Variants in TMEM132C observed in about 807,000 individuals in gnomAD.
TMEM132C encodes the protein transmembrane protein 132C, also known as protein phosphatase 1, regulatory subunit 152.
A neutral mutation model predicts 61.4 loss-of-function variants in TMEM132C; 29 were observed. The ratio of observed to expected loss-of-function variants is 0.47; its 90% confidence interval spans 0.35 to 0.64. TMEM132C has a LOEUF of 0.64. TMEM132C is among the 30% of genes least tolerant of loss of function. TMEM132C has a pLI of 0.00. For synonymous variants in TMEM132C, 656 were observed against 633.1 expected (o/e 1.04, Z -0.54); for missense variants, 1,408 against 1,476.9 (o/e 0.95, Z 0.76).
intron 1 of TMEM132C, among the ~76,000 whole-genome samples, chr12:128,323,633 G>A (rs1872407802): frequency 1.3e-5 from 2 of 152,218 alleles, no homozygotes; most frequent in South Asian, 4.1e-4. Flanking sequence ...GCTCCAGATA[G>A]AATCTATGGG....
intron 1 of TMEM132C, among the ~76,000 whole-genome samples, chr12:128,334,516 T>C (rs1306819437): frequency 6.6e-6 from 1 of 152,248 alleles, no homozygotes; most frequent in African/African-American, 2.4e-5. Flanking sequence ...CAAAAATCTT[T>C]TTTATCTCTT....
chr12:128,433,622 A>G (rs1869473531), intron 2 of TMEM132C, among the ~76,000 whole-genome samples: 3 of 152,270 alleles, frequency 2.0e-5, no homozygotes, highest in Admixed American at 2.0e-4. Context: ...AAAGAGTGTC[A>G]GACGGGACTT....
intron 2 of TMEM132C, among the ~76,000 whole-genome samples, chr12:128,482,287 G>T (rs1448087438): frequency 6.6e-6 from 1 of 152,208 alleles, no homozygotes; most frequent in East Asian, 1.9e-4. Flanking sequence ...GCTCACCTGA[G>T]TGAGGACGAA....
At chr12:128,605,534 C>T (rs1876391463) in intron 3 of TMEM132C, among the ~76,000 whole-genome samples, 2 of 152,174 alleles carry the variant, frequency 1.3e-5, no homozygotes, top group South Asian at 4.1e-4. Context: ...CATCCCATGG[C>T]TCTGTCAAGG....
chr12:128,584,903 C>T (rs915243356), intron 3 of TMEM132C, among the ~76,000 whole-genome samples: 2 of 152,340 alleles, frequency 1.3e-5, no homozygotes, highest in South Asian at 2.1e-4. Flanking sequence ...CCCCAGAGCA[C>T]ACAGCAGAAG....
At chr12:128,347,611 A>G (rs1053514729) in intron 1 of TMEM132C, among the ~76,000 whole-genome samples, 1 of 152,176 alleles carries the variant, frequency 6.6e-6, no homozygotes, top group Non-Finnish European at 1.5e-5. Flanking sequence ...TATTTTTAGT[A>G]GAGACAGGGT....
intron 3 of TMEM132C, among the ~76,000 whole-genome samples, chr12:128,588,836 G>A (rs1875644845): frequency 6.6e-6 from 1 of 152,204 alleles, no homozygotes; most frequent in Middle Eastern, 3.2e-3. Context: ...GTATGTTTCT[G>A]TGGTTGATAA....
At chr12:128,564,459 C>G (rs1391042590) in intron 3 of TMEM132C, among the ~76,000 whole-genome samples, 4 of 152,204 alleles carry the variant, frequency 2.6e-5, no homozygotes, top group African/African-American at 9.7e-5. Context: ...TGGGGAGCGT[C>G]AAGGCCAGCA....
chr12:128,485,752 T>C (rs1242250792), intron 2 of TMEM132C, among the ~76,000 whole-genome samples: 1 of 152,142 alleles, frequency 6.6e-6, no homozygotes, highest in East Asian at 1.9e-4. Context: ...TCTCAGGCCG[T>C]ACTAAGATGA....
At chr12:128,361,496 G>A (rs1163349582) in intron 1 of TMEM132C, among the ~76,000 whole-genome samples, 3 of 152,062 alleles carry the variant, frequency 2.0e-5, no homozygotes, top group Non-Finnish European at 4.4e-5. Context: ...TTGAAGTCAG[G>A]ACTTCCCCAT....
chr12:128,290,486 A>G (rs946224505), intron 1 of TMEM132C, among the ~76,000 whole-genome samples: 1 of 152,130 alleles, frequency 6.6e-6, no homozygotes, highest in African/African-American at 2.4e-5. Flanking sequence ...GGAGATTTCA[A>G]TTCAAGATGA....
At chr12:128,487,616 T>C (rs1260918194) in intron 2 of TMEM132C, among the ~76,000 whole-genome samples, 66 of 149,146 alleles carry the variant, frequency 4.4e-4, no homozygotes, top group African/African-American at 1.5e-3. Flanking sequence ...TATATATATA[T>C]ATATATATAT....
At chr12:128,447,496 G>T (rs1565939086) in intron 2 of TMEM132C, among the ~76,000 whole-genome samples, 1 of 152,112 alleles carries the variant, frequency 6.6e-6, no homozygotes, top group Non-Finnish European at 1.5e-5. Context: ...AGGTTTTCTG[G>T]TCAATATTTA....
At chr12:128,427,670 C>A (rs1869242388) in intron 2 of TMEM132C, among the ~76,000 whole-genome samples, 2 of 152,110 alleles carry the variant, frequency 1.3e-5, no homozygotes, top group Non-Finnish European at 2.9e-5. Context: ...TCCACCAGGA[C>A]TTTCTTCCTC....
intron 2 of TMEM132C, among the ~76,000 whole-genome samples, chr12:128,432,351 C>A (rs560889040): frequency 6.6e-6 from 1 of 152,290 alleles, no homozygotes; most frequent in South Asian, 2.1e-4. Context: ...AGTAATTCCC[C>A]TGAGGAATCT....
chr12:128,557,202 T>A (rs1452089622), intron 3 of TMEM132C, among the ~76,000 whole-genome samples: 3 of 152,324 alleles, frequency 2.0e-5, no homozygotes, highest in Non-Finnish European at 4.4e-5. Flanking sequence ...AGCCCAGCAT[T>A]ACCTCTGGAA....
At position 128,570,544 on chromosome 12, in the gene TMEM132C, G is replaced by A. The variant is rs1230308003; in HGVS notation, c.1121+26441G>A. On this transcript the variant is annotated intron_variant, in intron 3 of 8. Coordinates refer to ENST00000435159, the MANE Select transcript of TMEM132C (RefSeq NM_001136103.3). The surrounding 1 kb of genome is among the most constrained non-coding windows in gnomAD (Gnocchi z 4.7). ...AGATTGCAGAGGCCTAACGAAACAC[G>A]GCTTTTTTTTTTCCTTTGACTCAGC... Among the ~76,000 whole-genome samples, 5 of 152,134 alleles carry A rather than the reference G, an allele frequency of 3.3e-5. No homozygotes were observed. The highest frequency in any genetic ancestry group is 2.0e-4 in the Admixed American group (3 of 15,272).
At chr12:128,322,727 A>G (rs926745136) in intron 1 of TMEM132C, among the ~76,000 whole-genome samples, 1 of 152,194 alleles carries the variant, frequency 6.6e-6, no homozygotes, top group African/African-American at 2.4e-5. Flanking sequence ...GTGCTACTTT[A>G]TTTAATATTT....
intron 1 of TMEM132C, among the ~76,000 whole-genome samples, chr12:128,294,765 G>A (rs1292440405): frequency 6.6e-6 from 1 of 152,012 alleles, no homozygotes; most frequent in Admixed American, 6.6e-5. Context: ...TCCCATTCAT[G>A]AGGCTCCACC....
Sources: gnomAD v4.1 joint callset for allele counts (sites outside exome capture counted in the v4.1 genomes callset) on GRCh38, gnomAD v4.1.1 for gene constraint, Gnocchi (gnomAD v3.1) non-coding constraint, MANE v1.5 for transcripts, NCBI Gene and HGNC (gene_info 2026-07-23, HGNC 2026-07-21) for gene names.